The following POU6F2 variants were observed in gnomAD, a reference collection of about 807,000 sequenced individuals.
POU6F2 encodes the protein POU domain, class 6, transcription factor 2.
In POU6F2, 31 loss-of-function variants were observed where a neutral mutation model predicts 71.3. The observed-to-expected ratio is 0.43, with a 90% CI of 0.33 to 0.59. POU6F2 has a LOEUF of 0.59. POU6F2 is among the 20% of genes least tolerant of loss of function. The probability of loss-of-function intolerance (pLI) is 0.04; values close to 1 mark genes in which losing one functional copy is unlikely to be tolerated. For synonymous variants in POU6F2, 347 were observed against 355.7 expected, an observed-to-expected ratio of 0.98 and a Z score of 0.27; for missense variants, 783 against 856.8, an observed-to-expected ratio of 0.91 and a Z score of 1.07.
intron 4 of POU6F2, among the ~76,000 whole-genome samples, chr7:39,263,323 A>G (rs917559874): frequency 2.0e-5 from 3 of 152,188 alleles, no homozygotes; most frequent in Non-Finnish European, 2.9e-5. Flanking sequence ...CCTCCTTTCA[A>G]TATTTTATCT....
chr7:39,019,696 T>C (rs1789637122), intron 1 of POU6F2, among the ~76,000 whole-genome samples: 1 of 151,784 alleles, frequency 6.6e-6, no homozygotes, highest in African/African-American at 2.4e-5. Context: ...GACTTTTCCA[T>C]GTAGTGTTTC....
At chr7:39,267,621 A>T (rs770329602) in intron 4 of POU6F2, among the ~76,000 whole-genome samples, 1 of 149,626 alleles carries the variant, frequency 6.7e-6, no homozygotes, top group African/African-American at 2.4e-5. Context: ...CTTTTCATAC[A>T]TTTAAAAATA....
chr7:39,210,889 A>G (rs1396043748), intron 4 of POU6F2, among the ~76,000 whole-genome samples: 1 of 152,214 alleles, frequency 6.6e-6, no homozygotes, highest in Non-Finnish European at 1.5e-5. Flanking sequence ...TTGGGCTGCT[A>G]TAACATAAAA....
intron 4 of POU6F2, among the ~76,000 whole-genome samples, chr7:39,252,399 G>GACAGACACACACAC (rs1554335522): frequency 2.5e-3 from 365 of 144,250 alleles, no homozygotes; most frequent in African/African-American, 9.1e-3. Context: ...CAGACAGACA[G>GACAGACACACACAC]ACACACACAC....
rs1336768887 is a variant in POU6F2, at chr7:39,464,351, TGGATGGCTGA to T, written c.1831_1840del (p.Met611LeufsTer12). 1 of 1,613,910 alleles carries T rather than the reference TGGATGGCTGA, an allele frequency of 6.2e-7. No individual in the cohort carries two copies. The highest frequency in any genetic ancestry group is 1.3e-5 in the African/African-American group (1 of 74,930). On this transcript the variant is annotated frameshift_variant, in exon 10 of 10. Coordinates refer to ENST00000518318, the MANE Select transcript of POU6F2 (RefSeq NM_001370959.1). LOFTEE classifies it high-confidence loss of function. This position sits in a 1 kb window ranked among gnomAD's most constrained non-coding sequence, Gnocchi z 4.1. The stretch of plus-strand genomic sequence containing the variant: ...GAAGATCAAGCCGGTGCTTGAGCGG[TGGATGGCTGA>T]GGCTGAGGCCCGCCATCGAGCAGGT...
chr7:39,148,635 A>G (rs189578367), intron 2 of POU6F2, among the ~76,000 whole-genome samples: 1 of 152,234 alleles, frequency 6.6e-6, no homozygotes, highest in Admixed American at 6.5e-5. Flanking sequence ...CACTTCATGA[A>G]TGCTGTCCAT....
Position 39,460,167 on chromosome 7 carries a change from T to A in POU6F2, c.1490-380T>A, listed in dbSNP as rs1205257612. Among the ~76,000 whole-genome samples, 1 of 152,226 alleles carries A rather than the reference T, an allele frequency of 6.6e-6. No homozygotes were observed. Among genetic ancestry groups the A allele is most frequent in the African/African-American group, 2.4e-5 (1 of 41,452 alleles). The stretch of plus-strand genomic sequence containing the variant: ...TTAAAACATTTCAAATGGAAACCTT[T>A]CCCTTTTTATATTTTTGCACAATAT... On this transcript the variant is annotated intron_variant, in intron 8 of 9. Transcript: ENST00000518318. The surrounding 1 kb of genome is among the most constrained non-coding windows in gnomAD (Gnocchi z 4.4).
chr7:39,158,118 G>T (rs1792911182), intron 2 of POU6F2, among the ~76,000 whole-genome samples: 1 of 152,148 alleles, frequency 6.6e-6, no homozygotes. Flanking sequence ...GGATAACTAT[G>T]TTCCATTCTT....
At chr7:39,427,438 A>T (rs1787997154) in intron 6 of POU6F2, among the ~76,000 whole-genome samples, 1 of 151,898 alleles carries the variant, frequency 6.6e-6, no homozygotes, top group African/African-American at 2.4e-5. Context: ...AGGGGAGAGG[A>T]TTGTTTTTAT....
At chr7:39,463,400 G>A (rs1788992470) in intron 9 of POU6F2, among the ~76,000 whole-genome samples, 1 of 152,214 alleles carries the variant, frequency 6.6e-6, no homozygotes, top group Admixed American at 6.5e-5. Context: ...TGGTGCAAAA[G>A]TACACCATTA....
chr7:39,228,128 A>C (rs1794506210), intron 4 of POU6F2, among the ~76,000 whole-genome samples: 1 of 152,230 alleles, frequency 6.6e-6, no homozygotes, highest in Non-Finnish European at 1.5e-5. Flanking sequence ...ACCTAAATAC[A>C]CATACACAAA....
At position 39,282,583 on chromosome 7, in the gene POU6F2, G is replaced by C. The variant is rs116774802; in HGVS notation, c.599-57059G>C. Among the ~76,000 whole-genome samples, 732 of 152,232 alleles carry C rather than the reference G, an allele frequency of 4.8e-3. 14 individuals carry two copies. Among genetic ancestry groups the C allele is most frequent in the African/African-American group, 0.017 (702 of 41,568 alleles). On this transcript the variant is annotated intron_variant, in intron 4 of 9. Coordinates refer to ENST00000518318, the MANE Select transcript of POU6F2 (RefSeq NM_001370959.1). ...TTCTTGGCACCTTTATCAAAAATCA[G>C]TTCGCTGTAAGTGTATGGATTTATT...
At chr7:39,015,907 A>G (rs1161214142) in intron 1 of POU6F2, among the ~76,000 whole-genome samples, 1 of 42,312 alleles carries the variant, frequency 2.4e-5, no homozygotes, top group African/African-American at 9.6e-5. Flanking sequence ...ATAGATATAT[A>G]TTATATATTA....
At chr7:39,076,204 T>TTCCTC (rs1425944088) in intron 1 of POU6F2, among the ~76,000 whole-genome samples, 1 of 151,920 alleles carries the variant, frequency 6.6e-6, no homozygotes, top group Non-Finnish European at 1.5e-5. Context: ...TTCCTTTCCT[T>TTCCTC]TCCTCTCTCC....
At chr7:39,241,548 G>T (rs1189089610) in intron 4 of POU6F2, among the ~76,000 whole-genome samples, 4 of 152,092 alleles carry the variant, frequency 2.6e-5, no homozygotes, top group African/African-American at 9.7e-5. Context: ...CATTTCATTT[G>T]TGGGGAGAGT....
intron 4 of POU6F2, among the ~76,000 whole-genome samples, chr7:39,305,952 C>T (rs1785039814): frequency 6.6e-6 from 1 of 152,056 alleles, no homozygotes; most frequent in Admixed American, 6.6e-5. Flanking sequence ...AAATATGACT[C>T]AATTTCTTTT....
At chr7:39,255,730 G>A (rs535321432) in intron 4 of POU6F2, among the ~76,000 whole-genome samples, 4 of 152,318 alleles carry the variant, frequency 2.6e-5, no homozygotes, top group African/African-American at 2.4e-5. Context: ...GTGAGGAAAG[G>A]GATTTAGGGC....
intron 4 of POU6F2, among the ~76,000 whole-genome samples, chr7:39,254,355 GA>G (rs2128753316): frequency 6.6e-6 from 1 of 152,288 alleles, no homozygotes; most frequent in East Asian, 1.9e-4. Context: ...GAAAATGGAA[GA>G]GTCAAGGTTT....
chr7:39,101,573 T>C (rs1215873838), intron 2 of POU6F2, among the ~76,000 whole-genome samples: 1 of 151,932 alleles, frequency 6.6e-6, no homozygotes, highest in Admixed American at 6.6e-5. Context: ...GTTGTGGGAT[T>C]AGGGTGGGGA....
Sources: gnomAD v4.1 joint callset for allele counts (sites outside exome capture counted in the v4.1 genomes callset) on GRCh38, gnomAD v4.1.1 for gene constraint, Gnocchi (gnomAD v3.1) non-coding constraint, MANE v1.5 for transcripts, NCBI Gene and HGNC (gene_info 2026-07-23, HGNC 2026-07-21) for gene names.